The following PSTPIP1 variants were observed in gnomAD, a reference collection of about 807,000 sequenced individuals.
The protein encoded by PSTPIP1 is proline-serine-threonine phosphatase-interacting protein 1.
A neutral mutation model predicts 69.6 loss-of-function variants in PSTPIP1; 66 were observed. The observed-to-expected ratio is 0.95, with a 90% CI of 0.78 to 1.16. The LOEUF (loss-of-function observed/expected upper bound fraction) is 1.16, where lower values mean the gene tolerates loss of function less well. Among genes scored for constraint, PSTPIP1 ranks in the 50% most tolerant of loss-of-function variants. The probability of loss-of-function intolerance (pLI) is 0.00; values close to 1 mark genes in which losing one functional copy is unlikely to be tolerated. For missense variants in PSTPIP1, 603 were observed against 557.4 expected, an observed-to-expected ratio of 1.08 and a Z score of -0.82; for synonymous variants, 266 against 222.7, an observed-to-expected ratio of 1.19 and a Z score of -1.73.
At chr15:77,005,173 C>T (rs545454932) in intron 1 of PSTPIP1, among the ~76,000 whole-genome samples, 1 of 152,208 alleles carries the variant, frequency 6.6e-6, no homozygotes, top group Admixed American at 6.5e-5. Flanking sequence ...CACCTGAGGT[C>T]GGGAGTTCAA....
At chr15:77,032,421 G>A (rs1261168810) in intron 11 of PSTPIP1, 27 bp downstream of exon 11, 2 of 1,607,218 alleles carry the variant, frequency 1.2e-6, no homozygotes, top group East Asian at 2.2e-5. Context: ...GGACAGCGCA[G>A]CCTCTAGGTG....
At chr15:77,016,058 C>T (rs1476349075) in intron 1 of PSTPIP1, 1 of 456,198 alleles carries the variant, frequency 2.2e-6, no homozygotes, top group East Asian at 6.9e-5. Context: ...GAAGGGTTCC[C>T]TTGGCGTCAG....
chr15:77,030,807 C>T (rs531150198), intron 9 of PSTPIP1, among the ~76,000 whole-genome samples: 1 of 152,368 alleles, frequency 6.6e-6, no homozygotes, highest in Admixed American at 6.5e-5. Context: ...CATTCTTCCA[C>T]CCTCTTTGTT....
At position 77,035,565 on chromosome 15, in the gene PSTPIP1, T is replaced by C; in HGVS notation, c.985+2T>C. ...CCACTTCGTTGGCAGCTTCTGCTGG[T>C]AAAGGGGGTCAGGAGGGGACCCCCA... On this transcript the variant is annotated splice_donor_variant, in intron 13 of 14. Coordinates refer to ENST00000558012, the MANE Select transcript of PSTPIP1 (RefSeq NM_003978.5). LOFTEE classifies it high-confidence loss of function. 6.3e-7 allele frequency: 1 copy of C among 1,578,150 alleles called. No homozygotes were observed. Among genetic ancestry groups the C allele is most frequent in the Non-Finnish European group, 8.6e-7 (1 of 1,162,544 alleles).
chr15:76,995,307 C>A lies in PSTPIP1; in HGVS notation c.-267C>A. ...GGTCGGTGAGGGGCTGGGCTGGACA[C>A]CAGGGCCCGCCCTCCCATCACTGAG... On this transcript the variant is annotated 5_prime_UTR_variant, in exon 1 of 15. Coordinates refer to ENST00000558012, the MANE Select transcript of PSTPIP1 (RefSeq NM_003978.5). 1 of 1,378,480 alleles carries A rather than the reference C, an allele frequency of 7.3e-7. No individual in the cohort carries two copies. Among genetic ancestry groups the A allele is most frequent in the African/African-American group, 1.5e-5 (1 of 68,492 alleles). The allele number at this position is 1,378,480 out of a possible 1,614,324, so 85.4% of individuals were successfully genotyped here.
chr15:77,024,625 T>C (rs541761213), intron 3 of PSTPIP1, among the ~76,000 whole-genome samples: 1 of 152,324 alleles, frequency 6.6e-6, no homozygotes, highest in Non-Finnish European at 1.5e-5. Context: ...AAAGTGCTCG[T>C]TCATCTGAGA....
At chr15:77,016,669 C>T (rs920606938) in intron 1 of PSTPIP1, among the ~76,000 whole-genome samples, 1 of 151,382 alleles carries the variant, frequency 6.6e-6, no homozygotes, top group Non-Finnish European at 1.5e-5. Context: ...GGAGAGTCCA[C>T]CTGCTGAGGG....
In PSTPIP1 at chr15:77,020,974, C is replaced by T. The variant is rs561824255; in HGVS notation, c.212+2443C>T. On this transcript the variant is annotated intron_variant, in intron 3 of 14. Coordinates refer to ENST00000558012, the MANE Select transcript of PSTPIP1 (RefSeq NM_003978.5). ...GGCCCATCCCTGAGTAGGGGAAGCC[C>T]CTGGCCTCCCTGAGGCCCACAGCTG... is the stretch of plus-strand genomic sequence containing the variant. Among the ~76,000 whole-genome samples the T allele has an allele frequency of 2.0e-5, 3 of 152,304 alleles. No individual in the cohort carries two copies. In the East Asian group the frequency reaches 5.8e-4, roughly 29 times the overall value.
intron 3 of PSTPIP1, among the ~76,000 whole-genome samples, chr15:77,023,037 G>A (rs906991326): frequency 1.3e-5 from 2 of 152,240 alleles, no homozygotes; most frequent in African/African-American, 4.8e-5. Flanking sequence ...TGTACGTTCA[G>A]GCAGGCTCCC....
upstream of PSTPIP1, chr15:76,994,813 T>A: frequency 7.8e-7 from 1 of 1,289,038 alleles, no homozygotes; most frequent in Non-Finnish European, 1.0e-6. Flanking sequence ...GCCCTAGACC[T>A]GGGTAAGCCC....
In PSTPIP1 at chr15:77,032,965, C is replaced by G. The variant is rs199891584; in HGVS notation, c.929+13C>G. 6 of 1,587,696 alleles carry G rather than the reference C, an allele frequency of 3.8e-6. No individual in the cohort carries two copies. Among genetic ancestry groups the G allele is most frequent in the South Asian group, 1.1e-5 (1 of 87,342 alleles). ...GCATGATAAAGAGGTGAGGCCCCGA[C>G]AGACGGAGGGAGGGCCTAAGGCTGG... is the stretch of plus-strand genomic sequence containing the variant. On this transcript the variant is annotated intron_variant, in intron 12 of 14. Coordinates refer to ENST00000558012, the MANE Select transcript of PSTPIP1 (RefSeq NM_003978.5).
intron 1 of PSTPIP1, among the ~76,000 whole-genome samples, chr15:76,998,465 C>T (rs960846014): frequency 2.6e-5 from 4 of 152,164 alleles, no homozygotes; most frequent in Non-Finnish European, 5.9e-5. Context: ...AGGAGATGTC[C>T]CCTAGCTTTT....
At chr15:77,026,271 G>A (rs2076279849) in intron 5 of PSTPIP1, 1 of 450,260 alleles carries the variant, frequency 2.2e-6, no homozygotes, top group South Asian at 1.6e-5. Flanking sequence ...GACTGGCCTG[G>A]AGGCTGGGCT....
chr15:77,025,182 A>T, intron 3 of PSTPIP1, 102 bp from the exon 4 acceptor site: 2 of 1,338,466 alleles, frequency 1.5e-6, no homozygotes, highest in Non-Finnish European at 2.1e-6. Flanking sequence ...CTTCCCACCA[A>T]AATAAAAGTC....
At position 77,037,230 on chromosome 15, in the gene PSTPIP1, C is replaced by G; in HGVS notation, c.*54C>G. On this transcript the variant is annotated 3_prime_UTR_variant, in exon 15 of 15. Transcript: ENST00000558012. ...CCCTGCCAGTGGAGCCAGCAGTGCC[C>G]CCAGCACTGTCCCCACCTTGCTAGG... is the stretch of plus-strand genomic sequence containing the variant. 6.5e-7 allele frequency: 1 copy of G among 1,549,686 alleles called. No individual in the cohort carries two copies. Among genetic ancestry groups the G allele is most frequent in the Non-Finnish European group, 8.7e-7 (1 of 1,148,256 alleles).
chr15:77,013,697 T>C (rs1400427093), intron 1 of PSTPIP1, among the ~76,000 whole-genome samples: 1 of 152,178 alleles, frequency 6.6e-6, no homozygotes, highest in East Asian at 1.9e-4. Context: ...ACCAGGCAGC[T>C]CTTCCTGGCT....
At chr15:77,018,934 G>T (rs541765483) in intron 3 of PSTPIP1, among the ~76,000 whole-genome samples, 18 of 152,318 alleles carry the variant, frequency 1.2e-4, no homozygotes, top group Admixed American at 1.0e-3. Flanking sequence ...TCCAGGAGGG[G>T]ACACACCTGG....
chr15:76,994,834 A>T, upstream of PSTPIP1: 1 of 1,289,056 alleles, frequency 7.8e-7, no homozygotes, highest in Non-Finnish European at 1.0e-6. Context: ...CTCCAGAATG[A>T]CTTGCTAGTG....
In PSTPIP1 at chr15:77,036,260, C is replaced by T. The variant is rs574690094; in HGVS notation, c.1119+325C>T. ...ACACGTGGAGCACATGTACCTATGC[C>T]GTCCACACAGGCTGGGCGCTGAGTG... On this transcript the variant is annotated intron_variant, in intron 14 of 14. Transcript: ENST00000558012. Among the ~76,000 whole-genome samples the T allele has an allele frequency of 1.9e-3, 285 of 152,264 alleles. 1 individual carries two copies. Among genetic ancestry groups the T allele is most frequent in the Non-Finnish European group, 3.3e-3 (225 of 68,014 alleles).
Sources: allele counts gnomAD v4.1 joint callset (sites outside exome capture counted in the v4.1 genomes callset), GRCh38; gene constraint gnomAD v4.1.1; transcripts MANE v1.5; gene names NCBI Gene and HGNC (gene_info 2026-07-23, HGNC 2026-07-21).